The following SETBP1 variants were observed in gnomAD, a reference collection of about 807,000 sequenced individuals.
SETBP1 encodes the protein SET-binding protein.
Under a neutral mutation model 101.0 loss-of-function variants are expected in SETBP1, and 9 were observed. That is an observed-to-expected ratio of 0.09 (90% CI 0.05 to 0.16). The LOEUF is 0.16. Among genes scored for constraint, SETBP1 ranks in the 10% least tolerant of loss-of-function variants. The pLI is 1.00. For synonymous variants in SETBP1, 818 were observed against 788.5 expected (o/e 1.04, Z -0.63); for missense variants, 1,858 against 2,033.8 (o/e 0.91, Z 1.66).
intron 2 of SETBP1, among the ~76,000 whole-genome samples, chr18:44,840,766 T>C (rs1319924426): frequency 6.6e-6 from 1 of 152,232 alleles, no homozygotes; most frequent in African/African-American, 2.4e-5. Context: ...TCTAGTTCAT[T>C]GGTACTCAAT....
chr18:44,902,232 T>TC (rs2070065239), intron 3 of SETBP1, among the ~76,000 whole-genome samples: 1 of 149,606 alleles, frequency 6.7e-6, no homozygotes, highest in Non-Finnish European at 1.5e-5. Flanking sequence ...ATCTCTCTCT[T>TC]TCTCTCTCTC....
At chr18:44,791,407 A>G (rs1000029175) in intron 2 of SETBP1, among the ~76,000 whole-genome samples, 4 of 152,232 alleles carry the variant, frequency 2.6e-5, no homozygotes, top group African/African-American at 9.6e-5. Context: ...TTACTCCAAC[A>G]CAAAACACAT....
At chr18:44,784,063 T>A (rs2071190012) in intron 2 of SETBP1, among the ~76,000 whole-genome samples, 1 of 152,234 alleles carries the variant, frequency 6.6e-6, no homozygotes, top group Non-Finnish European at 1.5e-5. Flanking sequence ...AGTGCCTTTG[T>A]CTTCCGATCT....
chr18:44,684,585 G>GT (rs5824553), intron 1 of SETBP1, among the ~76,000 whole-genome samples: 33,599 of 132,996 alleles, frequency 0.25, 4,665 homozygotes, highest in Non-Finnish European at 0.34. Context: ...TTTTTAGAAG[G>GT]TTTTTTTTTT....
chr18:45,026,005 A>G (rs1016042501), intron 4 of SETBP1, among the ~76,000 whole-genome samples: 2 of 152,240 alleles, frequency 1.3e-5, no homozygotes, highest in African/African-American at 4.8e-5. Context: ...CAAAATGCAA[A>G]TAAGGTGACC....
chr18:44,970,545 C>A (rs2071822568), intron 4 of SETBP1, among the ~76,000 whole-genome samples: 2 of 152,196 alleles, frequency 1.3e-5, no homozygotes, highest in East Asian at 1.9e-4. Flanking sequence ...GGTATAATTA[C>A]AAATGCACAG....
At chr18:45,062,398 G>A (rs2073903909) in intron 5 of SETBP1, among the ~76,000 whole-genome samples, 3 of 152,182 alleles carry the variant, frequency 2.0e-5, no homozygotes, top group Non-Finnish European at 4.4e-5. Flanking sequence ...TGCCATCAGG[G>A]AACTTGACTA....
chr18:44,838,295 T>C (rs528929612), intron 2 of SETBP1, among the ~76,000 whole-genome samples: 1 of 152,370 alleles, frequency 6.6e-6, no homozygotes, highest in African/African-American at 2.4e-5. Context: ...TGATGTTTAG[T>C]ATTGAGCTGT....
intron 2 of SETBP1, among the ~76,000 whole-genome samples, chr18:44,840,408 ACT>A (rs1301948540): frequency 1.3e-5 from 2 of 152,128 alleles, no homozygotes; most frequent in Non-Finnish European, 2.9e-5. Context: ...TTGCAAAAGG[ACT>A]CTGCTAAGCC....
At chr18:44,709,200 A>AC (rs35664501) in intron 2 of SETBP1, among the ~76,000 whole-genome samples, 16 of 150,174 alleles carry the variant, frequency 1.1e-4, no homozygotes, top group Admixed American at 6.7e-4. Flanking sequence ...TTCTCTTTGG[A>AC]CCCCCCCAAG....
chr18:44,966,324 T>C lies in SETBP1; in HGVS notation c.4000+12984T>C, dbSNP rs141802457. On this transcript the variant is annotated intron_variant, in intron 4 of 5. Transcript: ENST00000649279. ...CCTCCTTATCCTATAGAAAATGTCATAGTGAGCCCCTTACCTGAGTGTGCA... is the reference window on the plus strand; with the variant it reads ...CCTCCTTATCCTATAGAAAATGTCACAGTGAGCCCCTTACCTGAGTGTGCA... Among the ~76,000 whole-genome samples, 51 of 152,260 alleles carry C rather than the reference T, an allele frequency of 3.3e-4. 1 individual carries two copies. In the East Asian group the frequency reaches 9.7e-3, roughly 29 times the overall value.
At chr18:45,013,734 A>T (rs545175244) in intron 4 of SETBP1, among the ~76,000 whole-genome samples, 1 of 152,284 alleles carries the variant, frequency 6.6e-6, no homozygotes, top group South Asian at 2.1e-4. Context: ...CACCACACCC[A>T]GCCCTGACTG....
At chr18:44,718,416 A>T (rs1236222086) in intron 2 of SETBP1, among the ~76,000 whole-genome samples, 1 of 152,156 alleles carries the variant, frequency 6.6e-6, no homozygotes, top group East Asian at 1.9e-4. Context: ...AGTGTCAAAA[A>T]CAAAATTTGA....
chr18:44,812,915 C>G (rs1461320280), intron 2 of SETBP1, among the ~76,000 whole-genome samples: 1 of 152,084 alleles, frequency 6.6e-6, no homozygotes, highest in African/African-American at 2.4e-5. Context: ...CCTCACAGGC[C>G]AGAAGTGTTG....
chr18:44,911,051 G>A (rs571696876), intron 3 of SETBP1, among the ~76,000 whole-genome samples: 18 of 152,160 alleles, frequency 1.2e-4, no homozygotes, highest in African/African-American at 2.4e-4. Flanking sequence ...ATTTCTTTGG[G>A]AAAGAAAGGA....
chr18:45,028,940 A>G (rs2073230561), intron 4 of SETBP1, among the ~76,000 whole-genome samples: 1 of 151,636 alleles, frequency 6.6e-6, no homozygotes, highest in Non-Finnish European at 1.5e-5. Context: ...AGTTGCGAAA[A>G]TTTTCTCCCA....
At chr18:44,971,820 G>A (rs1399263908) in intron 4 of SETBP1, among the ~76,000 whole-genome samples, 2 of 152,134 alleles carry the variant, frequency 1.3e-5, no homozygotes, top group Non-Finnish European at 2.9e-5. Flanking sequence ...CTCCCATTCT[G>A]TAGGTTGCCT....
chr18:44,855,486 T>C (rs879416403), intron 2 of SETBP1, among the ~76,000 whole-genome samples: 1 of 152,206 alleles, frequency 6.6e-6, no homozygotes, highest in Admixed American at 6.5e-5. Flanking sequence ...TCCATACAAG[T>C]TACCTGGACT....
intron 3 of SETBP1, among the ~76,000 whole-genome samples, chr18:44,877,913 T>C (rs938368119): frequency 1.3e-5 from 2 of 152,208 alleles, no homozygotes; most frequent in Non-Finnish European, 2.9e-5. Flanking sequence ...AGTGAATATT[T>C]TGTTTTTTAA....
Sources: gnomAD v4.1 joint callset for allele counts (sites outside exome capture counted in the v4.1 genomes callset) on GRCh38, gnomAD v4.1.1 for gene constraint, MANE v1.5 for transcripts, NCBI Gene and HGNC (gene_info 2026-07-23, HGNC 2026-07-21) for gene names.